ROBO2: variants seen among roughly 807,000 people sequenced by gnomAD.
The protein encoded by ROBO2 is roundabout homolog 2.
Under a neutral mutation model 160.8 loss-of-function variants are expected in ROBO2, and 53 were observed. The ratio of observed to expected loss-of-function variants is 0.33; its 90% CI spans 0.26 to 0.41. The LOEUF (loss-of-function observed/expected upper bound fraction) is 0.41, where lower values mean the gene tolerates loss of function less well. Among genes scored for constraint, ROBO2 ranks in the 10% least tolerant of loss-of-function variants. The pLI is 1.00. For synonymous variants in ROBO2, 664 were observed against 611.7 expected (o/e 1.09, Z -1.26); for missense variants, 1,577 against 1,722.4 (o/e 0.92, Z 1.49).
At chr3:77,560,283 C>A (rs1041237009) in intron 9 of ROBO2, among the ~76,000 whole-genome samples, 1 of 151,900 alleles carries the variant, frequency 6.6e-6, no homozygotes, top group Non-Finnish European at 1.5e-5. Context: ...ACATTAATCT[C>A]ATTTTAAAGC....
chr3:76,830,765 C>T (rs1242746361), intron 2 of ROBO2, among the ~76,000 whole-genome samples: 4 of 150,342 alleles, frequency 2.7e-5, no homozygotes, highest in Non-Finnish European at 5.9e-5. Flanking sequence ...TCGCTTGAGA[C>T]CCAGAATTTG....
rs185675153 is a variant in ROBO2, at chr3:77,350,752, G to A, written c.389-126662G>A. ...CTTAGATTTTTATCAAGAGGCAATG[G>A]GAGGGGCACTTGTCGTTAAGGTCAC... On this transcript the variant is annotated intron_variant, in intron 2 of 25. Coordinates refer to ENST00000461745, the Ensembl canonical transcript of ROBO2. 2.8e-3 allele frequency among the ~76,000 whole-genome samples: 422 copies of A among 152,286 alleles called. 4 individuals carry two copies. The highest frequency in any genetic ancestry group is 4.4e-3 in the Non-Finnish European group (296 of 68,038).
At chr3:77,413,809 G>A (rs370645562) in intron 2 of ROBO2, among the ~76,000 whole-genome samples, 4 of 152,176 alleles carry the variant, frequency 2.6e-5, no homozygotes, top group East Asian at 3.9e-4. Context: ...TGGAAAGACT[G>A]GAGAGAGATG....
At chr3:76,375,608 GA>G (rs1171928426) in intron 2 of ROBO2, among the ~76,000 whole-genome samples, 1 of 151,864 alleles carries the variant, frequency 6.6e-6, no homozygotes, top group Non-Finnish European at 1.5e-5. Context: ...AGCATACAAG[GA>G]AAGCAACTAA....
At chr3:77,550,016 C>G (rs200499630) in intron 7 of ROBO2, among the ~76,000 whole-genome samples, 2 of 29,406 alleles carry the variant, frequency 6.8e-5, no homozygotes, top group African/African-American at 2.8e-4. Context: ...AATTGAACAA[C>G]AGTAAAGCAA....
chr3:76,412,612 A>G (rs1361865176), intron 2 of ROBO2, among the ~76,000 whole-genome samples: 1 of 152,234 alleles, frequency 6.6e-6, no homozygotes, highest in Non-Finnish European at 1.5e-5. Context: ...ATGCAAGTCC[A>G]AAATCTAGCA....
intron 2 of ROBO2, among the ~76,000 whole-genome samples, chr3:77,272,123 C>G (rs2059530578): frequency 6.6e-6 from 1 of 152,098 alleles, no homozygotes; most frequent in South Asian, 2.1e-4. Context: ...GTCTTAAACC[C>G]ATAAGATGGG....
chr3:76,600,806 C>T (rs1299714241), intron 2 of ROBO2, among the ~76,000 whole-genome samples: 1 of 152,146 alleles, frequency 6.6e-6, no homozygotes, highest in African/African-American at 2.4e-5. Flanking sequence ...ACCCATCATG[C>T]CTTCCCACCA....
At chr3:77,056,219 T>C (rs1292164500) in intron 1 of ROBO2, among the ~76,000 whole-genome samples, 1 of 152,220 alleles carries the variant, frequency 6.6e-6, no homozygotes, top group East Asian at 1.9e-4. Context: ...CTTTTTTCTC[T>C]AATGTAGCTA....
chr3:76,858,736 G>A (rs1380034117), intron 2 of ROBO2, among the ~76,000 whole-genome samples: 1 of 152,148 alleles, frequency 6.6e-6, no homozygotes, highest in Non-Finnish European at 1.5e-5. Flanking sequence ...ATGATACAAT[G>A]CAAACAATGA....
chr3:77,474,162 C>G (rs1253716944), intron 2 of ROBO2, among the ~76,000 whole-genome samples: 1 of 152,190 alleles, frequency 6.6e-6, no homozygotes, highest in African/African-American at 2.4e-5. Flanking sequence ...GCCGAAAAGA[C>G]TTAGTCCCAG....
chr3:76,051,965 A>G (rs542208491), intron 2 of ROBO2, among the ~76,000 whole-genome samples: 1 of 152,214 alleles, frequency 6.6e-6, no homozygotes, highest in African/African-American at 2.4e-5. Context: ...TACTATTAAA[A>G]GAAAATATTT....
intron 23 of ROBO2, among the ~76,000 whole-genome samples, chr3:77,623,589 C>G (rs1197588356): frequency 6.6e-6 from 1 of 152,138 alleles, no homozygotes; most frequent in East Asian, 1.9e-4. Flanking sequence ...GGTCTGCTTG[C>G]CAGCCTAATT....
intron 2 of ROBO2, among the ~76,000 whole-genome samples, chr3:76,705,111 C>T (rs1262735237): frequency 6.6e-6 from 1 of 152,084 alleles, no homozygotes; most frequent in Non-Finnish European, 1.5e-5. Context: ...TTTAGTTACA[C>T]AAATACAGGA....
At chr3:77,102,660 C>A (rs1268306640) in intron 2 of ROBO2, among the ~76,000 whole-genome samples, 4 of 151,852 alleles carry the variant, frequency 2.6e-5, no homozygotes, top group African/African-American at 9.7e-5. Context: ...TTATTGATAA[C>A]CATCTGTCTT....
chr3:76,308,251 C>T (rs2071412527), intron 2 of ROBO2, among the ~76,000 whole-genome samples: 1 of 151,628 alleles, frequency 6.6e-6, no homozygotes, highest in South Asian at 2.1e-4. Flanking sequence ...GTGGTGGGCG[C>T]CTGTAATCCC....
At chr3:76,194,626 T>G (rs1348884633) in intron 2 of ROBO2, among the ~76,000 whole-genome samples, 2 of 145,480 alleles carry the variant, frequency 1.4e-5, no homozygotes, top group Non-Finnish European at 3.0e-5. Context: ...TTAATGTGAT[T>G]TTTTTTTTTT....
At chr3:76,079,117 AGGAAAACAAT>A (rs1229745106) in intron 2 of ROBO2, among the ~76,000 whole-genome samples, 1 of 152,222 alleles carries the variant, frequency 6.6e-6, no homozygotes, top group Non-Finnish European at 1.5e-5. Flanking sequence ...TTATAGATAT[AGGAAAACAAT>A]GGTTATAATA....
At chr3:77,262,123 T>A (rs2058816004) in intron 2 of ROBO2, among the ~76,000 whole-genome samples, 1 of 152,186 alleles carries the variant, frequency 6.6e-6, no homozygotes, top group South Asian at 2.1e-4. Flanking sequence ...AAAACTATTA[T>A]AGTTGGACAC....
Sources: gnomAD v4.1 joint callset for allele counts (sites outside exome capture counted in the v4.1 genomes callset) on GRCh38, gnomAD v4.1.1 for gene constraint, MANE v1.5 for transcripts, NCBI Gene and HGNC (gene_info 2026-07-23, HGNC 2026-07-21) for gene names.